Variants in MAD1L1 observed in about 807,000 individuals in gnomAD.
The protein encoded by MAD1L1 is mitotic spindle assembly checkpoint protein MAD1.
In MAD1L1, 95 loss-of-function variants were observed where a neutral mutation model predicts 96.9. That is an observed-to-expected ratio of 0.98 (90% CI 0.83 to 1.16). MAD1L1 has a LOEUF of 1.16. Among genes scored for constraint, MAD1L1 ranks in the 50% most tolerant of loss-of-function variants. The pLI, the probability that MAD1L1 is intolerant of heterozygous loss-of-function variation, is 0.00. For synonymous variants in MAD1L1, 473 were observed against 396.6 expected, an observed-to-expected ratio of 1.19 and a Z score of -2.29; for missense variants, 1,007 against 954.4, an observed-to-expected ratio of 1.06 and a Z score of -0.73.
chr7:2,110,180 G>C (rs1047545199), intron 11 of MAD1L1, among the ~76,000 whole-genome samples: 5 of 152,218 alleles, frequency 3.3e-5, no homozygotes, highest in African/African-American at 7.2e-5. Flanking sequence ...GCAGCACCTC[G>C]AAGATTCTTG....
intron 11 of MAD1L1, among the ~76,000 whole-genome samples, chr7:2,139,114 C>T (rs1286359137): frequency 2.0e-5 from 3 of 152,238 alleles, no homozygotes; most frequent in Admixed American, 6.5e-5. Context: ...CTCAGCCTCA[C>T]CCTCCTGTGT....
intron 17 of MAD1L1, among the ~76,000 whole-genome samples, chr7:1,931,830 T>A (rs1375957337): frequency 6.6e-6 from 1 of 152,220 alleles, no homozygotes; most frequent in Non-Finnish European, 1.5e-5. Context: ...GAGCCAATGG[T>A]CGTCCTGCTT....
At chr7:2,019,836 C>T (rs1224710366) in intron 12 of MAD1L1, among the ~76,000 whole-genome samples, 2 of 152,240 alleles carry the variant, frequency 1.3e-5, no homozygotes, top group African/African-American at 4.8e-5. Context: ...CCACAACCAA[C>T]TACAGAACGC....
At position 2,088,171 on chromosome 7, in the gene MAD1L1, A is replaced by G. The variant is rs1286694524; in HGVS notation, c.1074-18833T>C. Among the ~76,000 whole-genome samples the G allele has an allele frequency of 6.6e-6, 1 of 152,200 alleles. No individual in the cohort carries two copies. Among genetic ancestry groups the G allele is most frequent in the Non-Finnish European group, 1.5e-5 (1 of 68,032 alleles). ...GGGCCCACGTGCATGGCCACAGAACAGTGGACGAGGTCGGGCAGCAAAGCG... is the reference window on the plus strand; with the variant it reads ...GGGCCCACGTGCATGGCCACAGAACGGTGGACGAGGTCGGGCAGCAAAGCG... On this transcript the variant is annotated intron_variant, in intron 11 of 18. Transcript: ENST00000265854. The surrounding 1 kb of genome is among the most constrained non-coding windows in gnomAD (Gnocchi z 4.4).
intron 10 of MAD1L1, among the ~76,000 whole-genome samples, chr7:2,180,511 T>C (rs948944970): frequency 2.6e-5 from 4 of 152,218 alleles, no homozygotes; most frequent in African/African-American, 9.7e-5. Context: ...CCATGGTTAA[T>C]TTACGACTGA....
intron 18 of MAD1L1, among the ~76,000 whole-genome samples, chr7:1,835,788 T>C (rs752112787): frequency 6.6e-6 from 1 of 152,216 alleles, no homozygotes; most frequent in Admixed American, 6.5e-5. Flanking sequence ...CTAACACTTA[T>C]ACTGTATTTC....
At chr7:2,043,699 C>T (rs1218219021) in intron 12 of MAD1L1, among the ~76,000 whole-genome samples, 3 of 152,232 alleles carry the variant, frequency 2.0e-5, no homozygotes, top group Admixed American at 1.3e-4. Context: ...AACAGCCCTG[C>T]GGAGTGCCAG....
At chr7:1,982,964 AT>A (rs774279435) in intron 14 of MAD1L1, among the ~76,000 whole-genome samples, 37 of 152,164 alleles carry the variant, frequency 2.4e-4, no homozygotes, top group Non-Finnish European at 4.7e-4. Context: ...CTATAAATTG[AT>A]ATCCTAAAAT....
chr7:1,948,982 C>A (rs11760932), intron 16 of MAD1L1, among the ~76,000 whole-genome samples: 131,018 of 152,244 alleles, frequency 0.86, 57,704 homozygotes, highest in Non-Finnish European at 0.96. Context: ...CTGGGCCCGA[C>A]ACACACACAG....
At chr7:1,865,590 G>A (rs1031580185) in intron 18 of MAD1L1, among the ~76,000 whole-genome samples, 1 of 152,270 alleles carries the variant, frequency 6.6e-6, no homozygotes, top group East Asian at 1.9e-4. Context: ...GGAGACCTGA[G>A]AAGGGATACT....
chr7:2,202,258 C>T (rs528209457), intron 10 of MAD1L1, among the ~76,000 whole-genome samples: 52 of 152,344 alleles, frequency 3.4e-4, no homozygotes, highest in African/African-American at 1.3e-3. Context: ...CAACACAACC[C>T]CAAGGCAGAA....
intron 15 of MAD1L1, among the ~76,000 whole-genome samples, chr7:1,974,112 C>A (rs1346047561): frequency 6.6e-6 from 1 of 152,180 alleles, no homozygotes; most frequent in African/African-American, 2.4e-5. Flanking sequence ...GACAGGGTGC[C>A]CCACCGCAAG....
chr7:1,910,616 C>G (rs79716033), intron 17 of MAD1L1, among the ~76,000 whole-genome samples: 1,926 of 152,316 alleles, frequency 0.013, 35 homozygotes, highest in East Asian at 0.084. Flanking sequence ...TTCTGGGCAC[C>G]CCACATTTGC....
chr7:1,945,374 C>T (rs1779182192), intron 16 of MAD1L1, among the ~76,000 whole-genome samples: 2 of 152,272 alleles, frequency 1.3e-5, no homozygotes, highest in African/African-American at 2.4e-5. Flanking sequence ...ATGATGAACA[C>T]TTACTACACT....
chr7:1,941,012 T>TC (rs1235796017), intron 16 of MAD1L1, among the ~76,000 whole-genome samples: 10 of 151,942 alleles, frequency 6.6e-5, no homozygotes, highest in African/African-American at 1.7e-4. Context: ...CTCCTCTTCC[T>TC]CCCCAGGCTT....
chr7:2,132,064 G>A (rs527751781), intron 11 of MAD1L1, among the ~76,000 whole-genome samples: 1 of 152,322 alleles, frequency 6.6e-6, no homozygotes, highest in African/African-American at 2.4e-5. Flanking sequence ...GACTCAGGAG[G>A]AAGCTGGCCC....
At chr7:2,012,274 G>A (rs1007697789) in intron 13 of MAD1L1, among the ~76,000 whole-genome samples, 3 of 152,224 alleles carry the variant, frequency 2.0e-5, no homozygotes, top group Admixed American at 2.0e-4. Context: ...GACTCTGGAT[G>A]TGCCCACGGC....
intron 11 of MAD1L1, among the ~76,000 whole-genome samples, chr7:2,132,848 G>C (rs1788582647): frequency 6.6e-6 from 1 of 152,230 alleles, no homozygotes. Context: ...GTTGACAACT[G>C]ATCCCCACGA....
intron 11 of MAD1L1, among the ~76,000 whole-genome samples, chr7:2,074,119 G>A (rs547984252): frequency 9.2e-5 from 14 of 152,280 alleles, no homozygotes; most frequent in Non-Finnish European, 1.6e-4. Context: ...TTCAGCACAC[G>A]GGATGTGGGT....
Sources: allele counts gnomAD v4.1 joint callset (sites outside exome capture counted in the v4.1 genomes callset), GRCh38; gene constraint gnomAD v4.1.1; non-coding constraint Gnocchi (gnomAD v3.1); transcripts MANE v1.5; gene names NCBI Gene and HGNC (gene_info 2026-07-23, HGNC 2026-07-21).